The following PARP16 variants were observed in gnomAD, a reference collection of about 807,000 sequenced individuals.
PARP16 encodes poly(ADP-ribose) polymerase family member 16, also known as protein mono-ADP-ribosyltransferase PARP16.
In PARP16, 31 loss-of-function variants were observed where a neutral mutation model predicts 35.0. The ratio of observed to expected loss-of-function variants is 0.88; its 90% CI spans 0.66 to 1.19. The LOEUF is 1.19. PARP16 is among the 50% of genes most tolerant of loss of function. PARP16 has a pLI of 0.00. For missense variants in PARP16, 424 were observed against 411.2 expected (o/e 1.03, Z -0.27); for synonymous variants, 162 against 169.5 (o/e 0.96, Z 0.34).
chr15:65,284,929 C>T (rs1220579751), intron 1 of PARP16, among the ~76,000 whole-genome samples: 4 of 150,754 alleles, frequency 2.7e-5, no homozygotes, highest in Non-Finnish European at 4.4e-5. Context: ...GCCATCCTCC[C>T]GCCTCAGCCT....
At chr15:65,240,901 C>T (rs1057219702) in intron 3 of PARP16, among the ~76,000 whole-genome samples, 2 of 150,344 alleles carry the variant, frequency 1.3e-5, no homozygotes, top group African/African-American at 4.9e-5. Context: ...GGTGCAATCT[C>T]GGCTCACTGC....
intron 1 of PARP16, among the ~76,000 whole-genome samples, chr15:65,278,175 G>A (rs1473834585): frequency 6.6e-6 from 1 of 152,172 alleles, no homozygotes; most frequent in East Asian, 1.9e-4. Flanking sequence ...GGGAGCCCGG[G>A]AAAGAGTTGT....
chr15:65,234,048 C>A (rs1595971540), downstream of PARP16, among the ~76,000 whole-genome samples: 1 of 152,160 alleles, frequency 6.6e-6, no homozygotes, highest in Non-Finnish European at 1.5e-5. Context: ...TAGTTCTTAA[C>A]ATTTTTTGGA....
At chr15:65,261,603 C>G (rs1271788269) in intron 4 of PARP16, among the ~76,000 whole-genome samples, 2 of 151,484 alleles carry the variant, frequency 1.3e-5, no homozygotes, top group Non-Finnish European at 2.9e-5. Flanking sequence ...TTACAGGTGC[C>G]TGCCACCATG....
intron 3 of PARP16, among the ~76,000 whole-genome samples, chr15:65,264,013 T>A (rs1387381963): frequency 6.6e-6 from 1 of 152,094 alleles, no homozygotes; most frequent in African/African-American, 2.4e-5. Flanking sequence ...TTAAAAATAA[T>A]AAATAAATTA....
downstream of PARP16, among the ~76,000 whole-genome samples, chr15:65,233,214 C>A (rs142673695): frequency 6.6e-6 from 1 of 151,976 alleles, no homozygotes; most frequent in Admixed American, 6.6e-5. Flanking sequence ...GAGATTGAGA[C>A]CATCCTGGCT....
downstream of PARP16, among the ~76,000 whole-genome samples, chr15:65,233,608 C>T (rs995441110): frequency 6.6e-6 from 1 of 151,866 alleles, no homozygotes; most frequent in East Asian, 1.9e-4. Flanking sequence ...GGCTGGCATG[C>T]GCCTGTAGTC....
At chr15:65,271,661 G>A (rs2090099294) in intron 1 of PARP16, among the ~76,000 whole-genome samples, 1 of 152,042 alleles carries the variant, frequency 6.6e-6, no homozygotes. Flanking sequence ...TCCCCTTCCT[G>A]TTAGTATCAG....
intron 4 of PARP16, among the ~76,000 whole-genome samples, chr15:65,261,555 A>G (rs2089720207): frequency 6.6e-6 from 1 of 151,316 alleles, no homozygotes; most frequent in Non-Finnish European, 1.5e-5. Flanking sequence ...TCCCGGGTTC[A>G]AGCAACTCTT....
chr15:65,259,589 ATT>A, intron 5 of PARP16, 47 bp from the exon 6 acceptor site: 1 of 1,587,558 alleles, frequency 6.3e-7, no homozygotes, highest in Non-Finnish European at 8.6e-7. Flanking sequence ...AGAGAAAAAC[ATT>A]TTTTTTAAGT....
intron 1 of PARP16, among the ~76,000 whole-genome samples, chr15:65,283,459 T>C (rs1303201648): frequency 6.6e-6 from 1 of 152,146 alleles, no homozygotes; most frequent in East Asian, 1.9e-4. Flanking sequence ...GCATGCTCCA[T>C]AGGCTGGCCT....
intron 3 of PARP16, among the ~76,000 whole-genome samples, chr15:65,238,528 T>C (rs1408767490): frequency 6.6e-6 from 1 of 152,142 alleles, no homozygotes; most frequent in East Asian, 1.9e-4. Flanking sequence ...GCAAGTCTTG[T>C]CTTGTTGTTT....
intron 3 of PARP16, among the ~76,000 whole-genome samples, chr15:65,240,710 CA>C (rs2089049269): frequency 6.6e-6 from 1 of 152,084 alleles, no homozygotes; most frequent in Admixed American, 6.6e-5. Flanking sequence ...CTGCTGTAAC[CA>C]TTCATGTATA....
In PARP16 at chr15:65,286,599, G is replaced by A; in HGVS notation, c.-173C>T. On this transcript the variant is annotated 5_prime_UTR_variant, in exon 1 of 6. Coordinates refer to ENST00000649807, the MANE Select transcript of PARP16 (RefSeq NM_001316943.2). ...GACAGGGGTGAGAACGTGCCGACAA[G>A]TGTCCTCTGCCGGGGTCTGGGCCGC... 6.1e-6 allele frequency: 3 copies of A among 491,056 alleles called. No homozygotes were observed. The highest frequency in any genetic ancestry group is 7.1e-6 in the Non-Finnish European group (2 of 281,980). The allele number at this position is 491,056 out of a possible 1,614,324, so 30.4% of individuals were successfully genotyped here.
At chr15:65,261,194 T>A (rs2089699868) in intron 4 of PARP16, among the ~76,000 whole-genome samples, 168 bp from the exon 5 acceptor site, 1 of 151,026 alleles carries the variant, frequency 6.6e-6, no homozygotes, top group Non-Finnish European at 1.5e-5. Context: ...ACGGAGAATC[T>A]GGCAGGCAAA....
chr15:65,271,131 C>A, intron 1 of PARP16, 59 bp from the exon 2 acceptor site: 1 of 1,575,756 alleles, frequency 6.3e-7, no homozygotes, highest in Non-Finnish European at 8.7e-7. Context: ...TAATCAGGGG[C>A]CCTCTAGTGG....
At chr15:65,267,675 TAAC>T (rs1380768425) in intron 2 of PARP16, among the ~76,000 whole-genome samples, 18 of 127,184 alleles carry the variant, frequency 1.4e-4, no homozygotes, top group South Asian at 7.8e-4. Flanking sequence ...CTAATTTTCC[TAAC>T]TTTTTTTTTT....
rs1057254 is a variant in PARP16, at chr15:65,286,695, G to A, written c.-269C>T. 0.4 allele frequency: 132,497 copies of A among 333,564 alleles called. 32,091 individuals carry two copies. Among genetic ancestry groups the A allele is most frequent in the East Asian group, 0.78 (15,094 of 19,358 alleles). The allele number at this position is 333,564 out of a possible 1,614,324, so 20.7% of individuals were successfully genotyped here. A position where few individuals can be genotyped will look rare whatever the true frequency, so the allele number is the denominator to read the frequency against. Reference sequence around the variant, plus strand: ...CGGGGAGGTTGGGCCCAGGGATAAAGGAACTGGGGCTGGTGGGGGGGAGGG... The same window carrying A: ...CGGGGAGGTTGGGCCCAGGGATAAAAGAACTGGGGCTGGTGGGGGGGAGGG... On this transcript the variant is annotated 5_prime_UTR_variant, in exon 1 of 6. Transcript: ENST00000649807.
At chr15:65,234,835 C>G (rs902603584) in intron 3 of PARP16, 1 of 152,198 alleles carries the variant, frequency 6.6e-6, no homozygotes, top group Non-Finnish European at 1.5e-5. Context: ...TGAAAGGGAG[C>G]ATCCAAAAAG....
Sources: allele counts gnomAD v4.1 joint callset (sites outside exome capture counted in the v4.1 genomes callset), GRCh38; gene constraint gnomAD v4.1.1; transcripts MANE v1.5; gene names NCBI Gene and HGNC (gene_info 2026-07-23, HGNC 2026-07-21).